ANO6: variants seen among roughly 807,000 people sequenced by gnomAD.
ANO6 encodes anoctamin 6, also known as anoctamin-6.
A neutral mutation model predicts 117.5 loss-of-function variants in ANO6; 106 were observed. The ratio of observed to expected loss-of-function variants is 0.90; its 90% CI spans 0.77 to 1.06. The LOEUF is 1.06. Among genes scored for constraint, ANO6 ranks in the 50% least tolerant of loss-of-function variants. The pLI is 0.00. For missense variants in ANO6, 955 were observed against 1,121.1 expected (o/e 0.85, Z 2.12); for synonymous variants, 367 against 385.1 (o/e 0.95, Z 0.55).
chr12:45,392,635 G>A (rs568710346), intron 12 of ANO6, among the ~76,000 whole-genome samples: 1 of 152,266 alleles, frequency 6.6e-6, no homozygotes, highest in African/African-American at 2.4e-5. Flanking sequence ...CTACCTCTCT[G>A]GGACGAAGCT....
chr12:45,360,211 G>C (rs1295484650), intron 8 of ANO6, among the ~76,000 whole-genome samples: 3 of 152,216 alleles, frequency 2.0e-5, no homozygotes, highest in African/African-American at 7.2e-5. Flanking sequence ...CAGTACCACA[G>C]ACCAGGTAAT....
chr12:45,427,224 G>T (rs900453180), intron 19 of ANO6, among the ~76,000 whole-genome samples: 2 of 152,020 alleles, frequency 1.3e-5, no homozygotes, highest in African/African-American at 4.8e-5. Flanking sequence ...CTGGATTAGG[G>T]CCAGAGTCTC....
chr12:45,241,351 A>C (rs750663555), intron 1 of ANO6, among the ~76,000 whole-genome samples: 1 of 152,168 alleles, frequency 6.6e-6, no homozygotes, highest in Non-Finnish European at 1.5e-5. Context: ...TCAGCTATTG[A>C]AGCTTCTGCA....
chr12:45,434,110 AT>A (rs769807609), downstream of ANO6, among the ~76,000 whole-genome samples: 20 of 152,198 alleles, frequency 1.3e-4, no homozygotes, highest in Non-Finnish European at 1.8e-4. Flanking sequence ...TTCATTTCTC[AT>A]AATTTCACCT....
chr12:45,301,488 A>G (rs1939486656), intron 1 of ANO6, among the ~76,000 whole-genome samples: 1 of 151,972 alleles, frequency 6.6e-6, no homozygotes, highest in Non-Finnish European at 1.5e-5. Context: ...ATGGTAATAT[A>G]CACCTGTGGT....
chr12:45,255,385 C>T (rs1937774041), intron 1 of ANO6, among the ~76,000 whole-genome samples: 1 of 152,126 alleles, frequency 6.6e-6, no homozygotes, highest in African/African-American at 2.4e-5. Flanking sequence ...CACCTGTAGT[C>T]CCAGCTACTC....
Position 45,350,762 on chromosome 12 carries a change from TG to T in ANO6, c.853del (p.Asp285IlefsTer31), listed in dbSNP as rs755353002. On this transcript the variant is annotated frameshift_variant, in exon 7 of 20. Transcript: ENST00000320560. LOFTEE classifies it high-confidence loss of function. ...CGAAGCATATACAAAAAGCAGCCCT[TG>T]GATCTTATCAGGTGAGGGGTTGTAG... ...HPRSIYKKQP[L>X]DLIRKYYGEK... The T allele has an allele frequency of 6.2e-7, 1 of 1,613,314 alleles. No homozygotes were observed. Among genetic ancestry groups the T allele is most frequent in the Admixed American group, 1.7e-5 (1 of 59,966 alleles).
chr12:45,422,641 A>G (rs1943394104), intron 18 of ANO6, among the ~76,000 whole-genome samples: 1 of 151,116 alleles, frequency 6.6e-6, no homozygotes, highest in African/African-American at 2.4e-5. Flanking sequence ...GTGACACCAT[A>G]TCAGCTCCCT....
chr12:45,270,534 C>A (rs1365526758), intron 1 of ANO6: 1 of 1,001,566 alleles, frequency 1.0e-6, no homozygotes, highest in South Asian at 1.6e-5. Context: ...GGTAAGATCC[C>A]CTTCCTTTGT....
intron 1 of ANO6, among the ~76,000 whole-genome samples, chr12:45,242,745 A>G (rs1170599105): frequency 1.3e-5 from 2 of 152,206 alleles, no homozygotes; most frequent in East Asian, 1.9e-4. Context: ...TTACTCTCAC[A>G]TATAAATTTC....
chr12:45,419,054 A>G (rs1592045042), intron 17 of ANO6, among the ~76,000 whole-genome samples: 2 of 152,236 alleles, frequency 1.3e-5, no homozygotes, highest in East Asian at 3.9e-4. Context: ...GAGAGTGGGC[A>G]TCAAGCAGGA....
intron 1 of ANO6, among the ~76,000 whole-genome samples, chr12:45,217,251 T>A (rs3782131): frequency 6.6e-6 from 1 of 152,040 alleles, no homozygotes; most frequent in African/African-American, 2.4e-5. Flanking sequence ...GATGATATAA[T>A]GTGTCCCTCC....
chr12:45,367,557 G>A (rs996634103), intron 8 of ANO6, 131 bp from the exon 9 acceptor site: 1 of 673,908 alleles, frequency 1.5e-6, no homozygotes. Context: ...AAAGTTTTAT[G>A]TAACAGAAGT....
At chr12:45,335,064 T>C (rs1052056168) in intron 3 of ANO6, among the ~76,000 whole-genome samples, 2 of 152,008 alleles carry the variant, frequency 1.3e-5, no homozygotes, top group Non-Finnish European at 2.9e-5. Flanking sequence ...ATTTATTTAC[T>C]TTAAAAAAAT....
exon 20 of ANO6, chr12:45,439,716 C>G (rs1943749293): frequency 6.6e-7 from 1 of 1,507,146 alleles, no homozygotes; most frequent in Non-Finnish European, 8.9e-7. Context: ...GTGGCATGAT[C>G]TTGGCTCACT....
At position 45,429,528 on chromosome 12, in the gene ANO6, A is replaced by G. The variant is rs1943585619; in HGVS notation, c.*217A>G. The G allele has an allele frequency of 7.4e-7, 1 of 1,359,760 alleles. No homozygotes were observed. Among genetic ancestry groups the G allele is most frequent in the East Asian group, 3.0e-5 (1 of 33,832 alleles). The allele number at this position is 1,359,760 out of a possible 1,614,324, so 84.2% of individuals were successfully genotyped here. ...GGGCATAAAACTTATCACCCGGAAA[A>G]CCTCAATGTTACCTTTTTCTGATAA... On this transcript the variant is annotated 3_prime_UTR_variant, in exon 20 of 20. Transcript: ENST00000320560.
At chr12:45,327,994 T>C (rs905370727) in intron 2 of ANO6, among the ~76,000 whole-genome samples, 2 of 152,084 alleles carry the variant, frequency 1.3e-5, no homozygotes, top group African/African-American at 4.8e-5. Context: ...TGTACAAAAA[T>C]CATTCTGGGC....
chr12:45,375,072 A>G (rs1941966585), intron 9 of ANO6, among the ~76,000 whole-genome samples: 1 of 152,082 alleles, frequency 6.6e-6, no homozygotes, highest in African/African-American at 2.4e-5. Context: ...ATACAAACAG[A>G]GAGCCAAATC....
At position 45,403,402 on chromosome 12, in the gene ANO6, T is replaced by C. The variant is rs766095951; in HGVS notation, c.1783-37T>C. The stretch of plus-strand genomic sequence containing the variant: ...TGCCTATATTTCAAGTTAGATCCAT[T>C]GAATATTTAAATGGTATTTTCTTTT... On this transcript the variant is annotated intron_variant, in intron 14 of 19. Coordinates refer to ENST00000320560, the MANE Select transcript of ANO6 (RefSeq NM_001025356.3). 3.8e-6 allele frequency: 6 copies of C among 1,569,342 alleles called. No individual in the cohort carries two copies. The Admixed American group carries it at 6.7e-5, about 17-fold the overall frequency.
Sources: gnomAD v4.1 joint callset for allele counts (sites outside exome capture counted in the v4.1 genomes callset) on GRCh38, gnomAD v4.1.1 for gene constraint, MANE v1.5 for transcripts, NCBI Gene and HGNC (gene_info 2026-07-23, HGNC 2026-07-21) for gene names.